The following SYNPO2 variants were observed in gnomAD, a reference collection of about 807,000 sequenced individuals.
SYNPO2 encodes the protein synaptopodin 2, also known as synaptopodin-2.
SYNPO2 carries 56 observed loss-of-function variants against 85.0 expected under a neutral mutation model. The observed-to-expected ratio is 0.66, with a 90% CI of 0.53 to 0.82. The LOEUF (loss-of-function observed/expected upper bound fraction) is 0.82, where lower values mean the gene tolerates loss of function less well. SYNPO2 is among the 40% of genes least tolerant of loss of function. The pLI, the probability that SYNPO2 is intolerant of heterozygous loss-of-function variation, is 0.00. For missense variants in SYNPO2, 1,575 were observed against 1,534.2 expected (o/e 1.03, Z -0.44); for synonymous variants, 602 against 591.1 (o/e 1.02, Z -0.27).
intron 1 of SYNPO2, among the ~76,000 whole-genome samples, chr4:118,947,001 T>C (rs1734526893): frequency 6.6e-6 from 1 of 152,246 alleles, no homozygotes; most frequent in African/African-American, 2.4e-5. Context: ...TGCTTTCCTG[T>C]GACTTTGTGA....
intron 1 of SYNPO2, among the ~76,000 whole-genome samples, chr4:119,021,234 T>C (rs1170439381): frequency 6.6e-6 from 1 of 152,218 alleles, no homozygotes; most frequent in Non-Finnish European, 1.5e-5. Flanking sequence ...AATATTTTGC[T>C]TTCAAGAGTA....
At chr4:118,901,002 C>A (rs1438114930) in intron 1 of SYNPO2, among the ~76,000 whole-genome samples, 2 of 151,796 alleles carry the variant, frequency 1.3e-5, no homozygotes, top group African/African-American at 4.8e-5. Context: ...GATATTCCAG[C>A]AACATATATT....
chr4:118,876,668 T>TTCCTTC (rs1343254968), intron 1 of SYNPO2, among the ~76,000 whole-genome samples: 4 of 1,722 alleles, frequency 2.3e-3, no homozygotes, highest in African/African-American at 5.0e-3. Context: ...CCTTCCTTTC[T>TTCCTTC]CTTTCTTTCT....
At position 119,030,206 on chromosome 4, in the gene SYNPO2, A is replaced by G. The variant is rs771079421; in HGVS notation, c.1431A>G (p.Arg477=). ...TGGACATTGAAAAGAAACTGAACAGAGGGGACAAGATGGAGATGTTACCAG... is the reference window on the plus strand; with the variant it reads ...TGGACATTGAAAAGAAACTGAACAGGGGGGACAAGATGGAGATGTTACCAG... ...GLVDIEKKLN[R]GDKMEMLPDT... The change falls in exon 4 of 5, where the codon AGA becomes AGG. Residue 477 remains arginine (R), a synonymous_variant. Coordinates refer to ENST00000307142, the MANE Select transcript of SYNPO2 (RefSeq NM_133477.3). The G allele has an allele frequency of 6.2e-7, 1 of 1,614,076 alleles. No individual in the cohort carries two copies. Among genetic ancestry groups the G allele is most frequent in the Non-Finnish European group, 8.5e-7 (1 of 1,180,002 alleles).
intron 1 of SYNPO2, 32 bp downstream of exon 1, chr4:118,889,173 G>A (rs1732283671): frequency 7.5e-6 from 12 of 1,597,858 alleles, no homozygotes; most frequent in Non-Finnish European, 1.0e-5. Context: ...ACGGCTCTGT[G>A]CTAGGAAGGA....
chr4:118,885,104 A>G (rs1732174668), upstream of SYNPO2, among the ~76,000 whole-genome samples: 4 of 152,234 alleles, frequency 2.6e-5, no homozygotes, highest in South Asian at 8.3e-4. Context: ...GAAACAAAAA[A>G]GCAATTTTGA....
At chr4:119,008,737 T>C (rs1479015133) in intron 1 of SYNPO2, among the ~76,000 whole-genome samples, 1 of 152,152 alleles carries the variant, frequency 6.6e-6, no homozygotes, top group Non-Finnish European at 1.5e-5. Flanking sequence ...TATGATACTG[T>C]GTAGTTGCTT....
chr4:118,858,633 G>T (rs989529694), intron 1 of SYNPO2, among the ~76,000 whole-genome samples: 3 of 152,016 alleles, frequency 2.0e-5, no homozygotes, highest in Admixed American at 6.6e-5. Context: ...TTTTTCAATG[G>T]CCTCACAACT....
At chr4:118,883,242 T>G (rs935213190) in intron 1 of SYNPO2, among the ~76,000 whole-genome samples, 1 of 152,166 alleles carries the variant, frequency 6.6e-6, no homozygotes, top group Non-Finnish European at 1.5e-5. Context: ...TTTATTTTTC[T>G]CCAAAAATTT....
intron 1 of SYNPO2, among the ~76,000 whole-genome samples, chr4:118,956,421 T>C (rs990898941): frequency 2.6e-5 from 4 of 152,130 alleles, no homozygotes; most frequent in Admixed American, 6.5e-5. Flanking sequence ...AATGAGAACA[T>C]AGAAAAAGAC....
chr4:119,031,073 GT>G lies in SYNPO2; in HGVS notation c.2299del (p.Ser767ProfsTer7). 1 of 1,614,084 alleles carries G rather than the reference GT, an allele frequency of 6.2e-7. No homozygotes were observed. Among genetic ancestry groups the G allele is most frequent in the Non-Finnish European group, 8.5e-7 (1 of 1,180,012 alleles). On this transcript the variant is annotated frameshift_variant, in exon 4 of 5. Coordinates refer to ENST00000307142, the MANE Select transcript of SYNPO2 (RefSeq NM_133477.3). LOFTEE classifies it high-confidence loss of function. ...CTGTTGCTCCAAAACCTGCAGTCAA[GT>G]CCTCATCCTCCCAACCAGTAACTCC... ...PPVAPKPAVK[S>X]SSSQPVTPVS...
chr4:118,926,430 G>T (rs1056593109), intron 1 of SYNPO2, among the ~76,000 whole-genome samples: 1 of 152,240 alleles, frequency 6.6e-6, no homozygotes, highest in Non-Finnish European at 1.5e-5. Flanking sequence ...AGGTAAATAG[G>T]ACATTGTTAA....
At chr4:118,951,844 G>C (rs1352838413) in intron 1 of SYNPO2, among the ~76,000 whole-genome samples, 1 of 152,142 alleles carries the variant, frequency 6.6e-6, no homozygotes, top group Non-Finnish European at 1.5e-5. Flanking sequence ...AGAAGCTAAA[G>C]CTGAATTTGA....
In SYNPO2 at chr4:119,030,623, T is replaced by C; in HGVS notation, c.1848T>C (p.Phe616=). 5 of 1,614,060 alleles carry C rather than the reference T, an allele frequency of 3.1e-6. No individual in the cohort carries two copies. The South Asian group carries it at 5.5e-5, about 18-fold the overall frequency. Reference sequence around the variant, plus strand: ...ACATGACGAGTCCCATTGCTGACTTTCCTGCACCTCCACCTTACTCTGCAG... The same window carrying C: ...ACATGACGAGTCCCATTGCTGACTTCCCTGCACCTCCACCTTACTCTGCAG... ...TRNMTSPIAD[F]PAPPPYSAVT... is the part of the protein sequence containing the mutation. The change falls in exon 4 of 5, where the codon TTT becomes TTC. Residue 616 remains phenylalanine (F), a synonymous_variant. Coordinates refer to ENST00000307142, the MANE Select transcript of SYNPO2 (RefSeq NM_133477.3).
chr4:118,988,000 T>C (rs1466621268), intron 1 of SYNPO2, among the ~76,000 whole-genome samples: 2 of 152,210 alleles, frequency 1.3e-5, no homozygotes, highest in African/African-American at 4.8e-5. Flanking sequence ...TATCATTATT[T>C]TTCCCAAAGC....
intron 1 of SYNPO2, among the ~76,000 whole-genome samples, chr4:118,959,850 C>T (rs1735011302): frequency 8.6e-6 from 1 of 116,454 alleles, no homozygotes; most frequent in African/African-American, 2.8e-5. Flanking sequence ...TGACTGGTGA[C>T]CCACAAAAGG....
At chr4:118,866,664 G>A (rs1731703691) in intron 1 of SYNPO2, among the ~76,000 whole-genome samples, 1 of 152,118 alleles carries the variant, frequency 6.6e-6, no homozygotes, top group Non-Finnish European at 1.5e-5. Flanking sequence ...TCATGGGGGT[G>A]GACCTCCCCC....
rs756002430 is a variant in SYNPO2, at chr4:119,026,883, G to C, written c.514G>C (p.Asp172His). 2 of 1,614,158 alleles carry C rather than the reference G, an allele frequency of 1.2e-6. No homozygotes were observed. Among genetic ancestry groups the C allele is most frequent in the South Asian group, 2.2e-5 (2 of 91,074 alleles). The change falls in exon 3 of 5, where the codon GAC (aspartate) becomes CAC (histidine). Residue 172 changes from aspartate (D) to histidine (H), a missense_variant. Physicochemically the swap from Asp to His is moderately conservative, Grantham distance 81. Around this residue, in one of 3 missense-constraint regions of SYNPO2, gnomAD observed 1,508 missense variants for 1,446.8 expected, o/e 1.04. Coordinates refer to ENST00000307142, the MANE Select transcript of SYNPO2 (RefSeq NM_133477.3). ...CTACCAAAGGGCTCCCCAAATGCCTGACTCCCAAAGAGGACGCGTGGCAGA... is the reference window on the plus strand; with the variant it reads ...CTACCAAAGGGCTCCCCAAATGCCTCACTCCCAAAGAGGACGCGTGGCAGA... ...PSYQRAPQMP[D>H]SQRGRVAEEL...
intron 1 of SYNPO2, among the ~76,000 whole-genome samples, chr4:118,965,056 C>G (rs1384972777): frequency 1.3e-5 from 2 of 152,152 alleles, no homozygotes; most frequent in Non-Finnish European, 2.9e-5. Context: ...TACTGTGCAT[C>G]TTGTAGCTGT....
Sources: allele counts gnomAD v4.1 joint callset (sites outside exome capture counted in the v4.1 genomes callset), GRCh38; gene constraint gnomAD v4.1.1; regional missense constraint gnomAD v4.1.1; transcripts MANE v1.5; gene names NCBI Gene and HGNC (gene_info 2026-07-23, HGNC 2026-07-21).